DCUN1D4: variants seen among roughly 807,000 people sequenced by gnomAD.
The protein encoded by DCUN1D4 is defective in cullin neddylation 1 domain containing 4.
A neutral mutation model predicts 47.9 loss-of-function variants in DCUN1D4; 22 were observed. The ratio of observed to expected loss-of-function variants is 0.46; its 90% CI spans 0.33 to 0.66. The LOEUF is 0.66. Among genes scored for constraint, DCUN1D4 ranks in the 30% least tolerant of loss-of-function variants. DCUN1D4 has a pLI of 0.02. For synonymous variants in DCUN1D4, 121 were observed against 112.2 expected, an observed-to-expected ratio of 1.08 and a Z score of -0.50; for missense variants, 301 against 340.8, an observed-to-expected ratio of 0.88 and a Z score of 0.92.
chr4:51,877,954 GGT>G (rs149283691), intron 5 of DCUN1D4, 100 bp downstream of exon 5: 21,718 of 677,444 alleles, frequency 0.032, no homozygotes, highest in East Asian at 0.058. Context: ...TTCAAATTTG[GGT>G]GTGTGTGTGT....
intron 6 of DCUN1D4, 68 bp from the exon 7 acceptor site, chr4:51,891,692 A>G (rs911715112): frequency 4.0e-6 from 5 of 1,243,518 alleles, no homozygotes; most frequent in Middle Eastern, 2.2e-4. Context: ...TTAATGACAG[A>G]TCTATTTGTT....
intron 1 of DCUN1D4, among the ~76,000 whole-genome samples, chr4:51,860,067 C>T (rs1724809365): frequency 6.6e-6 from 1 of 152,080 alleles, no homozygotes; most frequent in South Asian, 2.1e-4. Flanking sequence ...AACTGTAAAT[C>T]CAATGTGTGT....
chr4:51,839,179 A>AG (rs1721568561), upstream of DCUN1D4, among the ~76,000 whole-genome samples: 1 of 143,442 alleles, frequency 7.0e-6, no homozygotes, highest in Non-Finnish European at 1.5e-5. Flanking sequence ...GAAGGAAGGA[A>AG]GAAAGGAGAA....
chr4:51,889,146 T>C (rs1730029630), intron 6 of DCUN1D4, among the ~76,000 whole-genome samples: 3 of 152,178 alleles, frequency 2.0e-5, no homozygotes, highest in Admixed American at 2.0e-4. Context: ...TCCAAATATT[T>C]ATACTGTATG....
At chr4:51,880,426 C>T (rs368660065) in intron 5 of DCUN1D4, among the ~76,000 whole-genome samples, 1 of 152,050 alleles carries the variant, frequency 6.6e-6, no homozygotes, top group Non-Finnish European at 1.5e-5. Flanking sequence ...GGAGGGGCAG[C>T]GGGGGCCTGG....
chr4:51,869,485 GAC>G (rs1424885954), intron 3 of DCUN1D4, among the ~76,000 whole-genome samples: 2 of 152,108 alleles, frequency 1.3e-5, no homozygotes, highest in African/African-American at 2.4e-5. Context: ...TGAAACATGA[GAC>G]AGTGAGATTT....
In DCUN1D4 at chr4:51,891,745, A is replaced by G. The variant is rs780838604; in HGVS notation, c.415-15A>G. On this transcript the variant is annotated splice_polypyrimidine_tract_variant and intron_variant, in intron 6 of 10. Coordinates refer to ENST00000334635, the MANE Select transcript of DCUN1D4 (RefSeq NM_001040402.3). ...GTAATATATTTTTTTTTAATTGTGT[A>G]TTTTTTTTTAACAGGTAGTTATGCT... The G allele has an allele frequency of 6.5e-7, 1 of 1,543,572 alleles. No homozygotes were observed. The highest frequency in any genetic ancestry group is 1.2e-5 in the South Asian group (1 of 84,008).
At chr4:51,895,977 C>T (rs892422726) in intron 7 of DCUN1D4, among the ~76,000 whole-genome samples, 16 of 152,050 alleles carry the variant, frequency 1.1e-4, no homozygotes, top group African/African-American at 3.1e-4. Context: ...AAGATGTGTA[C>T]GTTGAGTGGC....
chr4:51,907,498 A>G (rs1252304090), intron 8 of DCUN1D4, among the ~76,000 whole-genome samples: 1 of 152,194 alleles, frequency 6.6e-6, no homozygotes, highest in Non-Finnish European at 1.5e-5. Context: ...TTGGAACACC[A>G]TGACACATGT....
chr4:51,906,132 G>A (rs1732856502), intron 8 of DCUN1D4, among the ~76,000 whole-genome samples: 1 of 152,178 alleles, frequency 6.6e-6, no homozygotes, highest in South Asian at 2.1e-4. Flanking sequence ...AAGTGGGAAT[G>A]GCTTTTACTG....
upstream of DCUN1D4, among the ~76,000 whole-genome samples, chr4:51,840,649 C>T (rs1358208776): frequency 6.6e-6 from 1 of 152,122 alleles, no homozygotes; most frequent in African/African-American, 2.4e-5. Flanking sequence ...GTATGGTTAA[C>T]CAGTGCCTAC....
chr4:51,844,143 G>T (rs1447259616), intron 1 of DCUN1D4, among the ~76,000 whole-genome samples: 2 of 149,614 alleles, frequency 1.3e-5, no homozygotes, highest in African/African-American at 4.9e-5. Context: ...GGAGCTAGTC[G>T]GGGAGGAAGG....
intron 8 of DCUN1D4, among the ~76,000 whole-genome samples, chr4:51,904,037 A>T (rs1358242177): frequency 1.4e-5 from 2 of 145,444 alleles, no homozygotes; most frequent in East Asian, 2.0e-4. Context: ...ATTGCTTGTA[A>T]TTTTTTTTTT....
Position 51,886,650 on chromosome 4 carries a change from T to C in DCUN1D4, c.414+12T>C. 6.2e-7 allele frequency: 1 copy of C among 1,611,240 alleles called. No homozygotes were observed. Among genetic ancestry groups the C allele is most frequent in the Non-Finnish European group, 8.5e-7 (1 of 1,177,618 alleles). Reference sequence around the variant, plus strand: ...TTGAACCAGAAAACGTGAGTCAAACTTACTGAGTTGGGTGAATCAGTTGGT... The same window carrying C: ...TTGAACCAGAAAACGTGAGTCAAACCTACTGAGTTGGGTGAATCAGTTGGT... On this transcript the variant is annotated intron_variant, in intron 6 of 10. Transcript: ENST00000334635.
upstream of DCUN1D4, among the ~76,000 whole-genome samples, chr4:51,840,419 T>C (rs1369804552): frequency 6.6e-6 from 1 of 152,232 alleles, no homozygotes; most frequent in Non-Finnish European, 1.5e-5. Context: ...CTTTGGAATT[T>C]GAAGCTTTGA....
At chr4:51,881,937 G>A (rs541756884) in intron 5 of DCUN1D4, among the ~76,000 whole-genome samples, 1 of 152,142 alleles carries the variant, frequency 6.6e-6, no homozygotes, top group Non-Finnish European at 1.5e-5. Flanking sequence ...GGAGGCTGAG[G>A]TAGGAGGATC....
At chr4:51,874,740 A>T (rs1727419973) in intron 4 of DCUN1D4, 1 of 183,858 alleles carries the variant, frequency 5.4e-6, no homozygotes, top group African/African-American at 2.4e-5. Flanking sequence ...ATTCACTTCA[A>T]CCACAGAGCT....
intron 5 of DCUN1D4, among the ~76,000 whole-genome samples, chr4:51,878,304 C>A (rs1231508003): frequency 6.6e-6 from 1 of 152,106 alleles, no homozygotes; most frequent in African/African-American, 2.4e-5. Flanking sequence ...TTTAGTCTTT[C>A]TTTTTGCAAT....
intron 7 of DCUN1D4, 36 bp downstream of exon 7, chr4:51,891,887 CT>C (rs1730484672): frequency 6.6e-7 from 1 of 1,518,730 alleles, no homozygotes; most frequent in African/African-American, 1.4e-5. Context: ...GGTCCCTGCC[CT>C]TCCCAGGTGG....
Sources: allele counts gnomAD v4.1 joint callset (sites outside exome capture counted in the v4.1 genomes callset), GRCh38; gene constraint gnomAD v4.1.1; transcripts MANE v1.5; gene names NCBI Gene and HGNC (gene_info 2026-07-23, HGNC 2026-07-21).